The following INSL6 variants were observed in gnomAD, a reference collection of about 807,000 sequenced individuals.
The protein encoded by INSL6 is insulin like 6.
A neutral mutation model predicts 9.4 loss-of-function variants in INSL6; 16 were observed. The ratio of observed to expected loss-of-function variants is 1.70; its 90% CI spans 1.15 to 2.59. The LOEUF is 2.59. Ranked by LOEUF, INSL6 falls within the 30% of genes most tolerant of loss-of-function variation. INSL6 has a pLI of 0.00. For missense variants in INSL6, 391 were observed against 257.3 expected (o/e 1.52, Z -3.56); for synonymous variants, 154 against 96.9 (o/e 1.59, Z -3.46).
downstream of INSL6, among the ~76,000 whole-genome samples, chr9:5,159,012 A>T (rs970888269): frequency 3.3e-5 from 5 of 152,148 alleles, no homozygotes; most frequent in African/African-American, 1.2e-4. Context: ...AAAGTGTAGA[A>T]TTGTTATTAG....
At chr9:4,997,250 A>G in the INSL6 span, among the ~76,000 whole-genome samples, 15 of 152,036 alleles carry the variant, frequency 9.9e-5, no homozygotes, top group African/African-American at 3.6e-4. Flanking sequence ...CTGTTCTTGC[A>G]TTGCTATAAA....
chr9:5,077,603 C>G, the INSL6 span: 1 of 1,410,080 alleles, frequency 7.1e-7, no homozygotes, highest in Non-Finnish European at 9.4e-7. Flanking sequence ...ACCTTTTTAT[C>G]AAAAGATACT....
At chr9:5,086,246 G>T in the INSL6 span, 1 of 561,314 alleles carries the variant, frequency 1.8e-6, no homozygotes, top group South Asian at 5.6e-5. Flanking sequence ...GTCGCGGTAG[G>T]ATGGTGGCTC....
chr9:5,144,014 T>G, intron 2 of INSL6, among the ~76,000 whole-genome samples: 1 of 152,236 alleles, frequency 6.6e-6, no homozygotes, highest in South Asian at 2.1e-4. Flanking sequence ...AGTTTAGCTC[T>G]GATTTTGGTT....
the INSL6 span, among the ~76,000 whole-genome samples, chr9:4,999,303 A>G: frequency 0.25 from 37,758 of 152,170 alleles, 4,948 homozygotes; most frequent in South Asian, 0.32. Flanking sequence ...TGAAAGAATC[A>G]TGACATTGTA....
the INSL6 span, chr9:5,080,181 G>T: frequency 1.5e-6 from 2 of 1,378,502 alleles, no homozygotes; most frequent in South Asian, 2.8e-5. Context: ...TAAAAGATTG[G>T]TTTACTTGTG....
the INSL6 span, among the ~76,000 whole-genome samples, chr9:5,050,180 T>C: frequency 7.9e-5 from 12 of 152,374 alleles, no homozygotes; most frequent in African/African-American, 2.9e-4. Flanking sequence ...GTTGATGTTA[T>C]ATGTACTCTG....
At chr9:5,040,039 T>C in the INSL6 span, among the ~76,000 whole-genome samples, 2 of 152,232 alleles carry the variant, frequency 1.3e-5, no homozygotes, top group Non-Finnish European at 2.9e-5. Flanking sequence ...TGAAGACTTA[T>C]ACTTCCTAAT....
chr9:5,000,154 G>T, the INSL6 span, among the ~76,000 whole-genome samples: 2 of 149,198 alleles, frequency 1.3e-5, no homozygotes, highest in Admixed American at 6.7e-5. Flanking sequence ...TATTTTTTCT[G>T]TTTTTTTTTA....
In INSL6 at chr9:5,167,245, C is replaced by T. The variant is rs75522849; in HGVS notation, c.290-2980G>A. Among the ~76,000 whole-genome samples the T allele has an allele frequency of 2.9e-3, 442 of 152,324 alleles. 2 individuals carry two copies. The highest frequency in any genetic ancestry group is 0.01 in the African/African-American group (419 of 41,566). ...ACCATGCTTTTACCATGAATCCTTG[C>T]AACCTGGGGATCAGGAGGTCCCCTC... On this transcript the variant is annotated intron_variant, in intron 1 of 1. Transcript: ENST00000381641.
At chr9:5,119,216 A>C (rs1449044031), downstream of INSL6, among the ~76,000 whole-genome samples, 1 of 152,130 alleles carries the variant, frequency 6.6e-6, no homozygotes, top group African/African-American at 2.4e-5. Flanking sequence ...AGAAAAACTC[A>C]GACTTCATTT....
the INSL6 span, among the ~76,000 whole-genome samples, chr9:5,011,326 C>A: frequency 8.5e-5 from 13 of 152,164 alleles, no homozygotes; most frequent in South Asian, 2.7e-3. Flanking sequence ...GCTGGGACTA[C>A]GGGCACAGAG....
chr9:5,102,998 A>G, the INSL6 span, among the ~76,000 whole-genome samples: 1 of 152,122 alleles, frequency 6.6e-6, no homozygotes, highest in South Asian at 2.1e-4. Flanking sequence ...AACGGGCAAA[A>G]TAACCAGCTA....
chr9:5,023,534 G>A, the INSL6 span, among the ~76,000 whole-genome samples: 1 of 152,150 alleles, frequency 6.6e-6, no homozygotes, highest in African/African-American at 2.4e-5. Flanking sequence ...GTCCTGCAAG[G>A]GGCTAGGGTC....
chr9:5,073,640 T>G, the INSL6 span: 2 of 1,265,556 alleles, frequency 1.6e-6, no homozygotes, highest in Non-Finnish European at 2.3e-6. Context: ...GAGAATTTTC[T>G]GAACTATTTA....
At chr9:5,106,927 T>C in the INSL6 span, among the ~76,000 whole-genome samples, 3 of 152,182 alleles carry the variant, frequency 2.0e-5, no homozygotes, top group Admixed American at 6.5e-5. Context: ...AAATACCTAA[T>C]GTAAATGACG....
At chr9:5,031,785 A>G in the INSL6 span, among the ~76,000 whole-genome samples, 4 of 152,358 alleles carry the variant, frequency 2.6e-5, no homozygotes, top group African/African-American at 7.2e-5. Context: ...GGTGGAGCCA[A>G]GATGACTGAA....
chr9:5,059,657 T>C, the INSL6 span, among the ~76,000 whole-genome samples: 1 of 152,206 alleles, frequency 6.6e-6, no homozygotes, highest in Non-Finnish European at 1.5e-5. Flanking sequence ...CAGTTCACTC[T>C]TCTTTCAGTA....
chr9:5,034,375 T>A, the INSL6 span, among the ~76,000 whole-genome samples: 2 of 152,012 alleles, frequency 1.3e-5, no homozygotes, highest in African/African-American at 4.8e-5. Context: ...TGAATTCAGC[T>A]CTGGACCAAG....
Sources: allele counts gnomAD v4.1 joint callset (sites outside exome capture counted in the v4.1 genomes callset), GRCh38; gene constraint gnomAD v4.1.1; transcripts MANE v1.5; gene names NCBI Gene and HGNC (gene_info 2026-07-23, HGNC 2026-07-21).